The following APC2 variants were observed in gnomAD, a reference collection of about 807,000 sequenced individuals.
The protein encoded by APC2 is adenomatous polyposis coli protein 2.
APC2 carries 41 observed loss-of-function variants against 72.5 expected under a neutral mutation model. That is an observed-to-expected ratio of 0.57 (90% CI 0.44 to 0.73). APC2 has a LOEUF of 0.73. APC2 is among the 30% of genes least tolerant of loss of function. APC2 has a pLI of 0.00. For synonymous variants in APC2, 1,898 were observed against 1,612.0 expected, an observed-to-expected ratio of 1.18 and a Z score of -4.25; for missense variants, 3,729 against 3,403.4, an observed-to-expected ratio of 1.10 and a Z score of -2.38.
chr19:1,470,396 C>T lies in APC2; in HGVS notation c.*183C>T, dbSNP rs2084114891. On this transcript the variant is annotated 3_prime_UTR_variant, in exon 15 of 15. Coordinates refer to ENST00000590469, the MANE Select transcript of APC2 (RefSeq NM_005883.3). Reference sequence around the variant, plus strand: ...CCTCGCGCCTCACCGGAAGACCTTGCCTCTGTGCCGCGGAGGTCCAGGAGG... The same window carrying T: ...CCTCGCGCCTCACCGGAAGACCTTGTCTCTGTGCCGCGGAGGTCCAGGAGG... 1.0e-5 allele frequency: 9 copies of T among 896,622 alleles called. No individual in the cohort carries two copies. The South Asian group carries it at 1.7e-4, about 17-fold the overall frequency. The allele number at this position is 896,622 out of a possible 1,614,324, so 55.5% of individuals were successfully genotyped here.
chr19:1,469,637 C>T lies in APC2; in HGVS notation c.6336C>T (p.Asp2112=). The part of the protein sequence containing the change: ...LPHISVARRP[D]GAVPAAPASA... ...ACATCAGCGTGGCCCGCAGGCCCGA[C>T]GGCGCCGTCCCCGCGGCCCCTGCCT... Residue 2112 remains aspartate (D), a synonymous_variant, in exon 15 of 15, where the codon GAC becomes GAT. Transcript: ENST00000590469. 9 of 1,228,832 alleles carry T rather than the reference C, an allele frequency of 7.3e-6. No homozygotes were observed. The highest frequency in any genetic ancestry group is 9.1e-6 in the Non-Finnish European group (9 of 985,586). 76.1% of individuals were successfully genotyped at this position (1,228,832 alleles called of 1,614,324 possible).
Position 1,469,507 on chromosome 19 carries a change from GCGAGCGCCCTGCCCGGCGCACCACCTC to G in APC2, c.6211_6237del (p.Arg2071_Glu2079del), listed in dbSNP as rs2084093718. 3 of 1,135,866 alleles carry G rather than the reference GCGAGCGCCCTGCCCGGCGCACCACCTC, an allele frequency of 2.6e-6. No homozygotes were observed. Among genetic ancestry groups the G allele is most frequent in the South Asian group, 2.5e-5 (1 of 39,956 alleles). The allele number at this position is 1,135,866 out of a possible 1,614,324, so 70.4% of individuals were successfully genotyped here. A position where few individuals can be genotyped will look rare whatever the true frequency, so the allele number is the denominator to read the frequency against. On this transcript the variant is annotated inframe_deletion, in exon 15 of 15. Transcript: ENST00000590469. ...CCCCCCGCGGCCCGACCCAGCCCTG[GCGAGCGCCCTGCCCGGCGCACCACCTC>G]CGAGAGCCCGTCCCGCCTGCCTGTG...
rs1281176008 is a variant in APC2, at chr19:1,466,522, C to T, written c.3221C>T (p.Ser1074Phe). 3 of 1,591,926 alleles carry T rather than the reference C, an allele frequency of 1.9e-6. No individual in the cohort carries two copies. Among genetic ancestry groups the T allele is most frequent in the Non-Finnish European group, 2.5e-6 (3 of 1,176,768 alleles). ...PLSLSRCSSLSSLSSAGRPGP... is the reference protein window; with the variant it reads ...PLSLSRCSSLFSLSSAGRPGP... The stretch of plus-strand genomic sequence containing the variant: ...TCGCTGTCCCGATGCAGCTCCCTTT[C>T]CTCGCTGTCCTCGGCCGGCCGCCCA... The change falls in exon 15 of 15, where the codon TCC (serine) becomes TTC (phenylalanine). Residue 1074 changes from serine (S) to phenylalanine (F), a missense_variant. Physicochemically the swap from Ser to Phe is radical, Grantham distance 155. Coordinates refer to ENST00000590469, the MANE Select transcript of APC2 (RefSeq NM_005883.3).
At chr19:1,457,897 G>GGGGGGGGGGC in intron 9 of APC2, 68 bp from the exon 10 acceptor site, 2 of 1,444,574 alleles carry the variant, frequency 1.4e-6, no homozygotes, top group Non-Finnish European at 1.9e-6. Flanking sequence ...GCGGGTTGCG[G>GGGGGGGGGGC]GACCTTCGGG....
At position 1,471,971 on chromosome 19, in the gene APC2, C is replaced by T. The variant is rs1186963558; in HGVS notation, c.*1758C>T. 4 of 152,472 alleles carry T rather than the reference C, an allele frequency of 2.6e-5. No homozygotes were observed. The highest frequency in any genetic ancestry group is 1.3e-4 in the Admixed American group (2 of 15,308). The allele number at this position is 152,472 out of a possible 1,614,324, so 9.4% of individuals were successfully genotyped here. A position where few individuals can be genotyped will look rare whatever the true frequency, so the allele number is the denominator to read the frequency against. ...TCCAGACAGGACGTCCATAAGTCAC[C>T]GAGGTGTGCCACCCAGCAGGTGCTG... is the stretch of plus-strand genomic sequence containing the variant. On this transcript the variant is annotated 3_prime_UTR_variant, in exon 15 of 15. Transcript: ENST00000590469.
rs265273 is a variant in APC2 at position 1,467,685 on chromosome 19, A to C, written c.4384A>C (p.Arg1462=). The C allele has an allele frequency of 0.92, 1,350,103 of 1,469,554 alleles. 621,036 individuals are homozygous for C. Among genetic ancestry groups the C allele is most frequent in the East Asian group, 1 (36,658 of 36,672 alleles). The allele number at this position is 1,469,554 out of a possible 1,614,324, so 91.0% of individuals were successfully genotyped here. The change falls in exon 15 of 15, where the codon AGA becomes CGA. Residue 1462 remains arginine (R), a synonymous_variant. Transcript: ENST00000590469. ...GCAGTCTCGGGGCGCGGGCAAGAAC[A>C]GAGCAGGGCTGGAGCTGCCCCTGGG... ...AEQSRGAGKN[R]AGLELPLGRP...
At chr19:1,453,166 G>C in intron 2 of APC2, 24 bp downstream of exon 2, 1 of 1,587,776 alleles carries the variant, frequency 6.3e-7, no homozygotes, top group Non-Finnish European at 8.6e-7. Flanking sequence ...TGGAGGAGGT[G>C]GGCTAGGGTC....
chr19:1,469,913 C>G lies in APC2; in HGVS notation c.6612C>G (p.Ser2204Arg). 1 of 1,522,192 alleles carries G rather than the reference C, an allele frequency of 6.6e-7. No individual in the cohort carries two copies. Among genetic ancestry groups the G allele is most frequent in the South Asian group, 1.2e-5 (1 of 83,054 alleles). The allele number at this position is 1,522,192 out of a possible 1,614,324, so 94.3% of individuals were successfully genotyped here. A position where few individuals can be genotyped will look rare whatever the true frequency, so the allele number is the denominator to read the frequency against. Reference protein sequence around the residue: ...EEVAAPKTNSSTSPSLETREP... With the variant: ...EEVAAPKTNSRTSPSLETREP... ...TCGCCGCCCCCAAGACCAACTCCAG[C>G]ACGTCCCCGAGCCTGGAGACCAGGG... is the stretch of plus-strand genomic sequence containing the variant. The change falls in exon 15 of 15, where the codon AGC (serine) becomes AGG (arginine). Residue 2204 changes from serine to arginine, a missense_variant. Ser to Arg is a moderately radical substitution (Grantham distance 110, BLOSUM62 -1). Coordinates refer to ENST00000590469, the MANE Select transcript of APC2 (RefSeq NM_005883.3).
rs1385963851 is a variant in APC2, at chr19:1,468,227, C to T, written c.4926C>T (p.Pro1642=). 1.0e-5 allele frequency: 15 copies of T among 1,483,224 alleles called. No homozygotes were observed. Among genetic ancestry groups the T allele is most frequent in the Non-Finnish European group, 1.3e-5 (15 of 1,124,236 alleles). The allele number at this position is 1,483,224 out of a possible 1,614,324, so 91.9% of individuals were successfully genotyped here. Residue 1642 remains proline, a synonymous_variant, in exon 15 of 15, where the codon CCC becomes CCT. Coordinates refer to ENST00000590469, the MANE Select transcript of APC2 (RefSeq NM_005883.3). The part of the protein sequence containing the change: ...CISSALPRRR[P]PVSGLRRRKP... Reference sequence around the variant, plus strand: ...GCTCGGCCCTGCCCAGGCGCCGGCCCCCCGTGTCTGGCCTGCGGCGCCGCA... The same window carrying T: ...GCTCGGCCCTGCCCAGGCGCCGGCCTCCCGTGTCTGGCCTGCGGCGCCGCA...
rs1004141979 is a variant in APC2 at position 1,471,740 on chromosome 19, G to T, written c.*1527G>T. 1 of 152,288 alleles carries T rather than the reference G, an allele frequency of 6.6e-6. No homozygotes were observed. The highest frequency in any genetic ancestry group is 6.5e-5 in the Admixed American group (1 of 15,280). 9.4% of individuals were successfully genotyped at this position (152,288 alleles called of 1,614,324 possible). The stretch of plus-strand genomic sequence containing the variant: ...GGATGGAGCTCAGAAGGAAACCCCA[G>T]CCCCACCACGGATGACACCATCCCT... On this transcript the variant is annotated 3_prime_UTR_variant, in exon 15 of 15. Coordinates refer to ENST00000590469, the MANE Select transcript of APC2 (RefSeq NM_005883.3).
chr19:1,468,539 C>T lies in APC2; in HGVS notation c.5238C>T (p.Gly1746=). 6.2e-7 allele frequency: 1 copy of T among 1,600,152 alleles called. No individual in the cohort carries two copies. The highest frequency in any genetic ancestry group is 8.5e-7 in the Non-Finnish European group (1 of 1,171,892). The stretch of plus-strand genomic sequence containing the variant: ...GACGACAGGCGGAGGGAGAAATGGG[C>T]AGTGCCCGGCGGCCAGAGAAAAGGG... ...RKGRQAEGEM[G]SARRPEKRGA... Residue 1746 remains glycine (G), a synonymous_variant, in exon 15 of 15, where the codon GGC becomes GGT. Coordinates refer to ENST00000590469, the MANE Select transcript of APC2 (RefSeq NM_005883.3).
chr19:1,461,831 G>GA (rs1491498663), intron 13 of APC2, 132 bp from the exon 14 acceptor site: 2 of 727,406 alleles, frequency 2.7e-6, no homozygotes, highest in Non-Finnish European at 2.2e-6. Flanking sequence ...CAGCCTGGGG[G>GA]AGAGAGTGAG....
intron 14 of APC2, among the ~76,000 whole-genome samples, chr19:1,463,041 C>T (rs1036709019): frequency 2.0e-5 from 3 of 151,904 alleles, no homozygotes; most frequent in East Asian, 1.9e-4. Flanking sequence ...TTTGGGAGGC[C>T]GAGGTGGGCG....
chr19:1,466,045 T>C lies in APC2; in HGVS notation c.2744T>C (p.Leu915Pro). The change falls in exon 15 of 15, where the codon CTC becomes CCC. Residue 915 changes from leucine to proline, a missense_variant. By Grantham distance (98) the Leu-to-Pro change is moderately conservative (BLOSUM62 -3). Transcript: ENST00000590469. Reference sequence around the variant, plus strand: ...AGCCGGGCGCACCCGCTGCTGCGGCTCAAGGCGGCCCACGCCAGCCTCTCC... The same window carrying C: ...AGCCGGGCGCACCCGCTGCTGCGGCCCAAGGCGGCCCACGCCAGCCTCTCC... ...AGSRAHPLLR[L>P]KAAHASLSND... is the part of the protein sequence containing the mutation. 5.3e-6 allele frequency: 8 copies of C among 1,501,086 alleles called. No individual in the cohort carries two copies. Among genetic ancestry groups the C allele is most frequent in the Non-Finnish European group, 7.0e-6 (8 of 1,136,448 alleles). 93.0% of individuals were successfully genotyped at this position (1,501,086 alleles called of 1,614,324 possible). A position where few individuals can be genotyped will look rare whatever the true frequency, so the allele number is the denominator to read the frequency against.
chr19:1,456,792 G>A (rs989488811), intron 8 of APC2, 61 bp from the exon 9 acceptor site: 10 of 1,539,840 alleles, frequency 6.5e-6, no homozygotes, highest in Admixed American at 4.2e-5. Flanking sequence ...GGCTCCGACC[G>A]GGTTTCCAGG....
In APC2 at chr19:1,453,349, G is replaced by T. The variant is rs776004435; in HGVS notation, c.232+12G>T. Reference sequence around the variant, plus strand: ...GGAGCAGCTGAAGGGTGAGCGGTGGGGCCACCCGCAGAGGGAGTGGGGGAG... The same window carrying T: ...GGAGCAGCTGAAGGGTGAGCGGTGGTGCCACCCGCAGAGGGAGTGGGGGAG... On this transcript the variant is annotated intron_variant, in intron 3 of 14. Coordinates refer to ENST00000590469, the MANE Select transcript of APC2 (RefSeq NM_005883.3). 6.2e-7 allele frequency: 1 copy of T among 1,610,064 alleles called. No homozygotes were observed. The highest frequency in any genetic ancestry group is 2.2e-5 in the East Asian group (1 of 44,746).
At chr19:1,463,392 T>C (rs1222226793) in intron 14 of APC2, among the ~76,000 whole-genome samples, 7 of 140,244 alleles carry the variant, frequency 5.0e-5, no homozygotes, top group Non-Finnish European at 1.1e-4. Context: ...CATTCCAGCC[T>C]GGGCGACAGA....
In APC2 at chr19:1,465,308, G is replaced by T; in HGVS notation, c.2007G>T (p.Val669=). ...DQELLWDLGA[V]GMLRNLVHSK... is the part of the protein sequence containing the mutation. ...AGCTGCTGTGGGACCTGGGCGCCGT[G>T]GGCATGCTGCGTAATCTGGTGCACT... Residue 669 remains valine (V), a synonymous_variant, in exon 15 of 15, where the codon GTG becomes GTT. Coordinates refer to ENST00000590469, the MANE Select transcript of APC2 (RefSeq NM_005883.3). The T allele has an allele frequency of 6.3e-7, 1 of 1,598,194 alleles. No individual in the cohort carries two copies.
chr19:1,446,990 C>G (rs2083693586), upstream of APC2, among the ~76,000 whole-genome samples: 1 of 152,062 alleles, frequency 6.6e-6, no homozygotes, highest in Non-Finnish European at 1.5e-5. The surrounding 1 kb of genome is among the most constrained non-coding windows in gnomAD (Gnocchi z 6.1). Context: ...GCTAAGGCGC[C>G]CGCAAGAGAA....
Sources: allele counts gnomAD v4.1 joint callset (sites outside exome capture counted in the v4.1 genomes callset), GRCh38; gene constraint gnomAD v4.1.1; non-coding constraint Gnocchi (gnomAD v3.1); transcripts MANE v1.5; gene names NCBI Gene and HGNC (gene_info 2026-07-23, HGNC 2026-07-21).